The following DPF3 variants were observed in gnomAD, a reference collection of about 807,000 sequenced individuals.
The protein encoded by DPF3 is double PHD fingers 3.
Under a neutral mutation model 56.8 loss-of-function variants are expected in DPF3, and 18 were observed. The observed-to-expected ratio is 0.32, with a 90% CI of 0.22 to 0.47. DPF3 has a LOEUF of 0.47. Among genes scored for constraint, DPF3 ranks in the 20% least tolerant of loss-of-function variants. The pLI is 1.00. For missense variants in DPF3, 403 were observed against 488.8 expected (o/e 0.82, Z 1.65); for synonymous variants, 188 against 180.2 (o/e 1.04, Z -0.35).
chr14:72,752,616 T>C (rs1599409751), intron 3 of DPF3, among the ~76,000 whole-genome samples: 1 of 152,138 alleles, frequency 6.6e-6, no homozygotes, highest in African/African-American at 2.4e-5. Context: ...TGAGCCGAGA[T>C]TGCACAACTG....
chr14:72,746,655 T>C (rs1332278660), intron 3 of DPF3, among the ~76,000 whole-genome samples: 1 of 152,216 alleles, frequency 6.6e-6, no homozygotes, highest in Non-Finnish European at 1.5e-5. Context: ...ACCCAACTTT[T>C]CCCCCGAGGG....
intron 1 of DPF3, among the ~76,000 whole-genome samples, chr14:72,820,767 G>A (rs1367768781): frequency 1.3e-5 from 2 of 152,072 alleles, no homozygotes; most frequent in East Asian, 3.9e-4. Context: ...GGTCAAGCTG[G>A]GAGGATCACT....
chr14:72,842,070 G>C (rs1234588062), intron 1 of DPF3, among the ~76,000 whole-genome samples: 1 of 147,546 alleles, frequency 6.8e-6, no homozygotes, highest in Admixed American at 6.9e-5. Context: ...CTGGATGACA[G>C]AGTGAGACCC....
chr14:72,720,260 G>A (rs748588203), intron 5 of DPF3, among the ~76,000 whole-genome samples: 9 of 152,060 alleles, frequency 5.9e-5, no homozygotes, highest in South Asian at 2.1e-4. Context: ...TGGGAGACCC[G>A]GACAAGAGGA....
At chr14:72,700,306 C>A (rs1888102164) in intron 6 of DPF3, among the ~76,000 whole-genome samples, 1 of 152,176 alleles carries the variant, frequency 6.6e-6, no homozygotes, top group South Asian at 2.1e-4. Flanking sequence ...AAAGGCCCCA[C>A]ACTTGGTTTA....
At chr14:72,713,508 T>A (rs1888746426) in intron 6 of DPF3, among the ~76,000 whole-genome samples, 1 of 151,992 alleles carries the variant, frequency 6.6e-6, no homozygotes, top group African/African-American at 2.4e-5. Flanking sequence ...CGTGCCAGGG[T>A]CCAGCCTCGA....
chr14:72,792,688 C>A (rs1432050409), intron 1 of DPF3, among the ~76,000 whole-genome samples: 1 of 151,860 alleles, frequency 6.6e-6, no homozygotes, highest in African/African-American at 2.4e-5. Context: ...TCCTACAGAC[C>A]ATTTCACCCC....
intron 8 of DPF3, among the ~76,000 whole-genome samples, chr14:72,657,299 A>T (rs1309382483): frequency 6.6e-6 from 1 of 152,160 alleles, no homozygotes; most frequent in Non-Finnish European, 1.5e-5. Flanking sequence ...ATCTATGTTC[A>T]CTTAACTCAT....
chr14:72,746,712 C>A (rs562242047), intron 3 of DPF3, among the ~76,000 whole-genome samples: 1 of 152,356 alleles, frequency 6.6e-6, no homozygotes, highest in Non-Finnish European at 1.5e-5. Context: ...TGGGGTCCTT[C>A]CCCGGGACCC....
rs1046673020 is a variant in DPF3 at position 72,714,366 on chromosome 14, G to A, written c.604+57C>T. On this transcript the variant is annotated intron_variant, in intron 6 of 10. Transcript: ENST00000556509. ...GATGGCCAAGGAAGCACAGGGAAGA[G>A]GGGCCCTGGGGGCAGGCGCACAGGG... is the stretch of plus-strand genomic sequence containing the variant. 1.3e-5 allele frequency: 21 copies of A among 1,599,418 alleles called. No individual in the cohort carries two copies. In the African/African-American group the frequency reaches 2.7e-4, roughly 20 times the overall value.
chr14:72,840,370 T>C (rs1041194958), intron 1 of DPF3, among the ~76,000 whole-genome samples: 7 of 152,198 alleles, frequency 4.6e-5, no homozygotes, highest in African/African-American at 1.7e-4. Context: ...TACATATATA[T>C]GCATATGTAT....
intron 6 of DPF3, among the ~76,000 whole-genome samples, chr14:72,709,671 G>C (rs1888571937): frequency 1.3e-5 from 2 of 152,162 alleles, no homozygotes; most frequent in African/African-American, 4.8e-5. Flanking sequence ...GGCGGTTCTA[G>C]AGTTGAGGAC....
intron 1 of DPF3, among the ~76,000 whole-genome samples, chr14:72,791,324 C>T (rs921595456): frequency 6.6e-5 from 10 of 152,240 alleles, no homozygotes; most frequent in South Asian, 2.1e-4. Flanking sequence ...CCACCACTGC[C>T]GCTGCCCCCT....
intron 2 of DPF3, among the ~76,000 whole-genome samples, chr14:72,768,822 A>C (rs763261035): frequency 6.6e-6 from 1 of 152,144 alleles, no homozygotes; most frequent in African/African-American, 2.4e-5. Flanking sequence ...GTTTAATGGA[A>C]TATACCCTAA....
chr14:72,743,536 C>T (rs1439103405), intron 3 of DPF3, among the ~76,000 whole-genome samples: 1 of 151,084 alleles, frequency 6.6e-6, no homozygotes, highest in African/African-American at 2.4e-5. Flanking sequence ...AGCAGACTAT[C>T]TGGGCATTTA....
At chr14:72,868,388 C>T (rs1439619754) in intron 1 of DPF3, among the ~76,000 whole-genome samples, 1 of 152,194 alleles carries the variant, frequency 6.6e-6, no homozygotes, top group East Asian at 1.9e-4. Context: ...CCGGTTATAA[C>T]CACTCCCACA....
chr14:72,638,539 A>C (rs1359800530), intron 8 of DPF3, among the ~76,000 whole-genome samples: 1 of 152,250 alleles, frequency 6.6e-6, no homozygotes, highest in Non-Finnish European at 1.5e-5. Context: ...GGAAAACAGC[A>C]GTGATTGGTC....
intron 1 of DPF3, among the ~76,000 whole-genome samples, chr14:72,855,024 A>T (rs556396317): frequency 1.3e-5 from 2 of 152,208 alleles, no homozygotes; most frequent in East Asian, 1.9e-4. Flanking sequence ...TCCCCGGATG[A>T]TCAGAGCCCA....
At chr14:72,808,532 C>T (rs1450377804) in intron 1 of DPF3, among the ~76,000 whole-genome samples, 2 of 152,122 alleles carry the variant, frequency 1.3e-5, no homozygotes, top group African/African-American at 2.4e-5. Flanking sequence ...AAATGCCTGG[C>T]GAACTTTGCA....
Sources: gnomAD v4.1 joint callset for allele counts (sites outside exome capture counted in the v4.1 genomes callset) on GRCh38, gnomAD v4.1.1 for gene constraint, MANE v1.5 for transcripts, NCBI Gene and HGNC (gene_info 2026-07-23, HGNC 2026-07-21) for gene names.